The following THSD4 variants were observed in gnomAD, a reference collection of about 807,000 sequenced individuals.
THSD4 encodes thrombospondin type 1 domain containing 4.
In THSD4, 69 loss-of-function variants were observed where a neutral mutation model predicts 119.0. The observed-to-expected ratio is 0.58, with a 90% confidence interval of 0.48 to 0.71. THSD4 has a LOEUF of 0.71. THSD4 is among the 30% of genes least tolerant of loss of function. THSD4 has a pLI of 0.00. For missense variants in THSD4, 1,393 were observed against 1,391.1 expected, an observed-to-expected ratio of 1.00 and a Z score of -0.02; for synonymous variants, 524 against 540.4, an observed-to-expected ratio of 0.97 and a Z score of 0.42.
At chr15:71,716,349 C>T (rs2052606619) in intron 8 of THSD4, among the ~76,000 whole-genome samples, 1 of 152,026 alleles carries the variant, frequency 6.6e-6, no homozygotes, top group Non-Finnish European at 1.5e-5. Context: ...TTACAGGTTC[C>T]AGGTGGATAT....
At chr15:71,329,231 G>C (rs2045390049) in intron 6 of THSD4, among the ~76,000 whole-genome samples, 1 of 152,142 alleles carries the variant, frequency 6.6e-6, no homozygotes, top group Non-Finnish European at 1.5e-5. Context: ...ATTATGGGAG[G>C]AAAAACAAGG....
At chr15:71,738,781 T>G (rs2053177601) in intron 11 of THSD4, among the ~76,000 whole-genome samples, 1 of 152,082 alleles carries the variant, frequency 6.6e-6, no homozygotes, top group Admixed American at 6.5e-5. Flanking sequence ...AGCTCCCACA[T>G]GAGTGACACT....
chr15:71,472,909 C>G (rs571343278), intron 7 of THSD4, among the ~76,000 whole-genome samples: 17 of 152,296 alleles, frequency 1.1e-4, no homozygotes, highest in South Asian at 8.3e-4. Flanking sequence ...TTATGTAACT[C>G]TGGCACGGAG....
intron 6 of THSD4, among the ~76,000 whole-genome samples, chr15:71,370,517 T>G (rs1486847405): frequency 6.6e-6 from 1 of 152,222 alleles, no homozygotes; most frequent in Non-Finnish European, 1.5e-5. Context: ...ATATCTTTAT[T>G]TCTGTCTTCA....
intron 7 of THSD4, among the ~76,000 whole-genome samples, chr15:71,567,453 C>T (rs1232374489): frequency 6.6e-6 from 1 of 152,174 alleles, no homozygotes; most frequent in Non-Finnish European, 1.5e-5. Flanking sequence ...GTCAGTGAAG[C>T]ACACACCTCA....
At chr15:71,166,398 G>A (rs2043294967) in intron 3 of THSD4, among the ~76,000 whole-genome samples, 1 of 152,300 alleles carries the variant, frequency 6.6e-6, no homozygotes, top group South Asian at 2.1e-4. Flanking sequence ...AGGTTGGAAT[G>A]CTAAAGTGTT....
intron 8 of THSD4, among the ~76,000 whole-genome samples, chr15:71,723,826 G>C (rs753209416): frequency 6.6e-6 from 1 of 152,038 alleles, no homozygotes. Context: ...CCAGCACTTT[G>C]GGAGGCCAAG....
chr15:71,217,935 TA>T (rs2043947895), intron 4 of THSD4, among the ~76,000 whole-genome samples: 1 of 151,926 alleles, frequency 6.6e-6, no homozygotes, highest in South Asian at 2.1e-4. Flanking sequence ...TGCAGGCATG[TA>T]CCACCACGCC....
chr15:71,622,686 A>G (rs2050438889), intron 7 of THSD4, among the ~76,000 whole-genome samples: 1 of 152,220 alleles, frequency 6.6e-6, no homozygotes, highest in South Asian at 2.1e-4. Context: ...CCAATGGAGA[A>G]GCTCAGAATA....
intron 6 of THSD4, among the ~76,000 whole-genome samples, chr15:71,368,834 A>G (rs2046003901): frequency 6.6e-6 from 1 of 152,214 alleles, no homozygotes; most frequent in African/African-American, 2.4e-5. Flanking sequence ...AGTCATTGGT[A>G]GCTTGATGGG....
At chr15:71,329,605 A>G (rs1016524111) in intron 6 of THSD4, among the ~76,000 whole-genome samples, 6 of 152,190 alleles carry the variant, frequency 3.9e-5, no homozygotes, top group African/African-American at 1.4e-4. Flanking sequence ...GTCATGTCTC[A>G]GGCAGTATGC....
chr15:71,725,713 C>T (rs556354552), intron 8 of THSD4, among the ~76,000 whole-genome samples: 3 of 152,094 alleles, frequency 2.0e-5, no homozygotes, highest in Non-Finnish European at 4.4e-5. Flanking sequence ...TTTTAAATTT[C>T]CTCAATGGAA....
intron 7 of THSD4, among the ~76,000 whole-genome samples, chr15:71,429,797 A>G (rs912651692): frequency 6.6e-6 from 1 of 152,248 alleles, no homozygotes; most frequent in African/African-American, 2.4e-5. Context: ...CCATTAAACC[A>G]GTCTCTCATT....
chr15:71,590,978 C>T (rs1043072044), intron 7 of THSD4, among the ~76,000 whole-genome samples: 54 of 118,756 alleles, frequency 4.5e-4, no homozygotes, highest in Admixed American at 1.9e-3. Context: ...TGCATTCCAG[C>T]CTGGGCGACA....
intron 6 of THSD4, among the ~76,000 whole-genome samples, chr15:71,366,350 G>A (rs759538152): frequency 1.4e-4 from 21 of 152,132 alleles, no homozygotes; most frequent in Non-Finnish European, 2.6e-4. Flanking sequence ...CTGGGAAACA[G>A]CTCCCGGCTG....
In THSD4 at chr15:71,777,805, A is replaced by G. The variant is rs764659501; in HGVS notation, c.*431A>G. On this transcript the variant is annotated 3_prime_UTR_variant, in exon 18 of 18. Transcript: ENST00000261862. ...TCCAAGGAGGCAGCGCCCCCAACCC[A>G]GCGCCCCACTAAGCCTTGCTGACAC... The G allele has an allele frequency of 5.3e-6, 1 of 189,190 alleles. No individual in the cohort carries two copies. The highest frequency in any genetic ancestry group is 1.1e-5 in the Non-Finnish European group (1 of 88,694). The allele number at this position is 189,190 out of a possible 1,614,324, so 11.7% of individuals were successfully genotyped here.
intron 7 of THSD4, among the ~76,000 whole-genome samples, chr15:71,527,708 C>T (rs377470914): frequency 7.5e-5 from 6 of 79,742 alleles, no homozygotes; most frequent in African/African-American, 8.1e-5. Context: ...TGTTTATCCT[C>T]TTTTTTTTTT....
At chr15:71,099,906 G>A (rs559765686) in intron 1 of THSD4, among the ~76,000 whole-genome samples, 1 of 152,338 alleles carries the variant, frequency 6.6e-6, no homozygotes, top group South Asian at 2.1e-4. Context: ...GTTGCAGTGA[G>A]CTGTGATTGT....
At chr15:71,259,550 G>A (rs972860919) in intron 6 of THSD4, among the ~76,000 whole-genome samples, 5 of 152,190 alleles carry the variant, frequency 3.3e-5, no homozygotes, top group African/African-American at 1.2e-4. Flanking sequence ...GTGAGCAACT[G>A]CCTCAACTGG....
Sources: gnomAD v4.1 joint callset for allele counts (sites outside exome capture counted in the v4.1 genomes callset) on GRCh38, gnomAD v4.1.1 for gene constraint, MANE v1.5 for transcripts, NCBI Gene and HGNC (gene_info 2026-07-23, HGNC 2026-07-21) for gene names.